CUL4A: variants seen among roughly 807,000 people sequenced by gnomAD.
The protein encoded by CUL4A is cullin-4A.
CUL4A carries 16 observed loss-of-function variants against 95.5 expected under a neutral mutation model. That is an observed-to-expected ratio of 0.17 (90% CI 0.11 to 0.25). CUL4A has a LOEUF of 0.25. Among genes scored for constraint, CUL4A ranks in the 10% least tolerant of loss-of-function variants. The pLI, the probability that CUL4A is intolerant of heterozygous loss-of-function variation, is 1.00. For missense variants in CUL4A, 610 were observed against 937.0 expected (o/e 0.65, Z 4.56); for synonymous variants, 380 against 353.1 (o/e 1.08, Z -0.85).
At chr13:113,226,438 G>A (rs2041107959) in intron 3 of CUL4A, among the ~76,000 whole-genome samples, 1 of 152,234 alleles carries the variant, frequency 6.6e-6, no homozygotes, top group Non-Finnish European at 1.5e-5. Flanking sequence ...TGCACCACGA[G>A]GTTGGGGAGA....
intron 10 of CUL4A, among the ~76,000 whole-genome samples, chr13:113,242,304 T>C (rs2041739335): frequency 1.3e-5 from 2 of 152,074 alleles, no homozygotes; most frequent in East Asian, 3.9e-4. Flanking sequence ...AAGTGAGCTT[T>C]TCATGGTTAG....
intron 15 of CUL4A, among the ~76,000 whole-genome samples, chr13:113,248,191 A>G (rs1331096667): frequency 6.6e-6 from 1 of 152,222 alleles, no homozygotes; most frequent in African/African-American, 2.4e-5. Flanking sequence ...ATCCTCATCC[A>G]GCTGTCACCT....
chr13:113,253,245 T>C, intron 16 of CUL4A, 50 bp downstream of exon 16: 1 of 1,002,220 alleles, frequency 1.0e-6, no homozygotes, highest in African/African-American at 1.7e-5. Context: ...TATGTTAATA[T>C]AATTTTTTTA....
chr13:113,249,549 A>G (rs1312208137), intron 15 of CUL4A, among the ~76,000 whole-genome samples: 1 of 152,230 alleles, frequency 6.6e-6, no homozygotes, highest in African/African-American at 2.4e-5. Flanking sequence ...GCTGTGAATA[A>G]TGCTGCTATG....
chr13:113,256,925 C>CCTTTTTTTTTTTTT (rs1491171316), intron 18 of CUL4A, among the ~76,000 whole-genome samples: 8 of 37,276 alleles, frequency 2.1e-4, no homozygotes, highest in South Asian at 1.2e-3. Context: ...TTTTTTTTTT[C>CCTTTTTTTTTTTTT]GTTTTTTTTT....
chr13:113,228,655 C>CG (rs2041195925), intron 4 of CUL4A, among the ~76,000 whole-genome samples: 1 of 151,816 alleles, frequency 6.6e-6, no homozygotes, highest in Admixed American at 6.6e-5. Context: ...GTAGTGGGCT[C>CG]GATGGTAGGA....
chr13:113,256,392 G>A (rs575392938), intron 18 of CUL4A, among the ~76,000 whole-genome samples: 1 of 152,122 alleles, frequency 6.6e-6, no homozygotes, highest in East Asian at 1.9e-4. Flanking sequence ...AGACATTTCT[G>A]TGCACTTGTT....
At chr13:113,257,070 A>G (rs1040672585) in intron 18 of CUL4A, among the ~76,000 whole-genome samples, 2 of 151,324 alleles carry the variant, frequency 1.3e-5, no homozygotes, top group African/African-American at 4.9e-5. Flanking sequence ...GACTACAGGC[A>G]TGTGCCACCA....
intron 10 of CUL4A, among the ~76,000 whole-genome samples, chr13:113,241,475 C>T (rs2041707390): frequency 6.6e-6 from 1 of 151,688 alleles, no homozygotes; most frequent in Non-Finnish European, 1.5e-5. Context: ...ACACACCGCC[C>T]CTCTCTGGGA....
At chr13:113,247,063 G>A (rs2041875415) in intron 15 of CUL4A, among the ~76,000 whole-genome samples, 1 of 152,168 alleles carries the variant, frequency 6.6e-6, no homozygotes, top group East Asian at 1.9e-4. Flanking sequence ...CAAGGTTGAA[G>A]GCAAAGGGGG....
intron 5 of CUL4A, among the ~76,000 whole-genome samples, chr13:113,232,250 GC>G (rs1555302005): frequency 0.18 from 281 of 1,560 alleles, 88 homozygotes; most frequent in Non-Finnish European, 0.34. Context: ...CACCATTACT[GC>G]TGCCACCACT....
chr13:113,221,320 C>G (rs543333745), intron 3 of CUL4A, among the ~76,000 whole-genome samples: 1 of 152,290 alleles, frequency 6.6e-6, no homozygotes, highest in East Asian at 1.9e-4. Flanking sequence ...TTAGATTGTT[C>G]ATGGAGGTCA....
At chr13:113,259,097 C>G (rs2042204711) in intron 18 of CUL4A, among the ~76,000 whole-genome samples, 1 of 152,216 alleles carries the variant, frequency 6.6e-6, no homozygotes, top group Admixed American at 6.5e-5. Context: ...AGCCACTTTA[C>G]AAAACTCTTT....
chr13:113,231,171 C>T (rs1252309232), intron 5 of CUL4A, among the ~76,000 whole-genome samples: 2 of 152,124 alleles, frequency 1.3e-5, no homozygotes, highest in Non-Finnish European at 2.9e-5. Flanking sequence ...CTCCAGTCTA[C>T]CACAAGTGGC....
intron 9 of CUL4A, among the ~76,000 whole-genome samples, chr13:113,238,020 A>G (rs2041600326): frequency 6.6e-6 from 1 of 152,236 alleles, no homozygotes; most frequent in Non-Finnish European, 1.5e-5. Flanking sequence ...GCTGAGAGTC[A>G]CGGGTCCAAT....
Position 113,263,741 on chromosome 13 carries a change from A to G in CUL4A, c.*159A>G. On this transcript the variant is annotated 3_prime_UTR_variant, in exon 20 of 20. Transcript: ENST00000375440. ...TGGGTCATCTTTCACAAGGCTCAAGACTTCAACCTGCAGATGTATCTTTTT... is the reference window on the plus strand; with the variant it reads ...TGGGTCATCTTTCACAAGGCTCAAGGCTTCAACCTGCAGATGTATCTTTTT... The G allele has an allele frequency of 2.2e-6, 1 of 464,694 alleles. No homozygotes were observed. Among genetic ancestry groups the G allele is most frequent in the Non-Finnish European group, 3.8e-6 (1 of 259,952 alleles). The allele number at this position is 464,694 out of a possible 1,614,324, so 28.8% of individuals were successfully genotyped here.
chr13:113,208,923 C>G, upstream of CUL4A: 1 of 1,354,050 alleles, frequency 7.4e-7, no homozygotes, highest in Non-Finnish European at 9.4e-7. Context: ...CGAGGACAGC[C>G]CCACGGCTAA....
intron 18 of CUL4A, among the ~76,000 whole-genome samples, chr13:113,258,903 G>A (rs1226009100): frequency 3.9e-5 from 6 of 152,210 alleles, no homozygotes; most frequent in African/African-American, 1.4e-4. Context: ...GGGAGCCACA[G>A]CTGGACCCTC....
At chr13:113,234,105 GA>G in intron 7 of CUL4A, 119 bp downstream of exon 7, 1 of 611,334 alleles carries the variant, frequency 1.6e-6, no homozygotes, top group Non-Finnish European at 2.9e-6. Context: ...AAAATCTTCT[GA>G]AAGCTGCAAT....
Sources: allele counts gnomAD v4.1 joint callset (sites outside exome capture counted in the v4.1 genomes callset), GRCh38; gene constraint gnomAD v4.1.1; transcripts MANE v1.5; gene names NCBI Gene and HGNC (gene_info 2026-07-23, HGNC 2026-07-21).